ZNF330: variants seen among roughly 807,000 people sequenced by gnomAD.
ZNF330 encodes zinc finger protein 330.
ZNF330 carries 31 observed loss-of-function variants against 45.5 expected under a neutral mutation model. The observed-to-expected ratio is 0.68, with a 90% confidence interval of 0.51 to 0.92. The LOEUF is 0.92. Ranked by LOEUF, ZNF330 falls within the 40% of genes least tolerant of loss-of-function variation. ZNF330 has a pLI of 0.00. For missense variants in ZNF330, 356 were observed against 387.4 expected (o/e 0.92, Z 0.68); for synonymous variants, 138 against 123.2 (o/e 1.12, Z -0.79).
In ZNF330 at chr4:141,233,946, C is replaced by T. The variant is rs540088950; in HGVS notation, c.920C>T (p.Thr307Ile). Residue 307 changes from threonine to isoleucine, a missense_variant, in exon 10 of 10, where the codon ACC (threonine) becomes ATC (isoleucine). Transcript: ENST00000262990. The stretch of plus-strand genomic sequence containing the variant: ...TTTACTAATTTGAATTTAGGAAGGA[C>T]CTATGCTAGTGGCTATGCTCACTAT... The part of the protein sequence containing the change: ...DLFTNLNLGR[T>I]YASGYAHYEE... 27 of 1,613,630 alleles carry T rather than the reference C, an allele frequency of 1.7e-5. No individual in the cohort carries two copies. The highest frequency in any genetic ancestry group is 2.1e-5 in the Non-Finnish European group (25 of 1,179,694).
chr4:141,224,432 A>C, intron 2 of ZNF330, 55 bp from the exon 3 acceptor site: 3 of 1,535,836 alleles, frequency 2.0e-6, no homozygotes, highest in South Asian at 2.3e-5. Flanking sequence ...AATACAAGTA[A>C]ATTTGCAGTT....
chr4:141,221,385 G>A (rs1728673499), intron 1 of ZNF330, among the ~76,000 whole-genome samples: 1 of 151,890 alleles, frequency 6.6e-6, no homozygotes, highest in South Asian at 2.1e-4. Context: ...ACAAACTGGA[G>A]GGAAAAAAAA....
chr4:141,228,043 A>T (rs1002330902), intron 5 of ZNF330, among the ~76,000 whole-genome samples: 6 of 152,122 alleles, frequency 3.9e-5, no homozygotes, highest in Admixed American at 2.6e-4. Context: ...TACTATATTT[A>T]TGTCAAATGG....
At position 141,234,119 on chromosome 4, in the gene ZNF330, C is replaced by G; in HGVS notation, c.*130C>G. On this transcript the variant is annotated 3_prime_UTR_variant, in exon 10 of 10. Transcript: ENST00000262990. Reference sequence around the variant, plus strand: ...CAGAAGACTAGTTACACTTAATGGGCCAAGCAATAGGGTGTAGCGTTTTTA... The same window carrying G: ...CAGAAGACTAGTTACACTTAATGGGGCAAGCAATAGGGTGTAGCGTTTTTA... 5 of 1,441,318 alleles carry G rather than the reference C, an allele frequency of 3.5e-6. No individual in the cohort carries two copies. Among genetic ancestry groups the G allele is most frequent in the Non-Finnish European group, 4.5e-6 (5 of 1,100,740 alleles). The allele number at this position is 1,441,318 out of a possible 1,614,324, so 89.3% of individuals were successfully genotyped here. A position where few individuals can be genotyped will look rare whatever the true frequency, so the allele number is the denominator to read the frequency against.
At chr4:141,231,930 A>T (rs187561247) in intron 8 of ZNF330, among the ~76,000 whole-genome samples, 6 of 152,050 alleles carry the variant, frequency 3.9e-5, no homozygotes, top group Non-Finnish European at 7.4e-5. Flanking sequence ...TCTAGTTCTT[A>T]TATTCCTAAC....
chr4:141,222,512 C>A, intron 2 of ZNF330, 21 bp downstream of exon 2: 3 of 1,602,338 alleles, frequency 1.9e-6, no homozygotes, highest in Non-Finnish European at 2.6e-6. Context: ...TTTTTGATAT[C>A]AGTTGGTAGT....
chr4:141,226,775 A>C lies in ZNF330; in HGVS notation c.220A>C (p.Lys74Gln). The change falls in exon 5 of 10, where the codon AAG (lysine) becomes CAG (glutamine). Residue 74 changes from lysine to glutamine, a missense_variant. Transcript: ENST00000262990. ...ATGTTTTTCTTCATTAGGGAAAACA[A>C]AGTGCATGATGAAGTCTTCAGACTG... is the stretch of plus-strand genomic sequence containing the variant. Reference protein sequence around the residue: ...LPICAQCGKTKCMMKSSDCVI... With the variant: ...LPICAQCGKTQCMMKSSDCVI... 1 of 1,612,848 alleles carries C rather than the reference A, an allele frequency of 6.2e-7. No homozygotes were observed. Among genetic ancestry groups the C allele is most frequent in the Non-Finnish European group, 8.5e-7 (1 of 1,179,238 alleles).
chr4:141,225,213 G>C (rs1329862101), intron 4 of ZNF330, among the ~76,000 whole-genome samples: 1 of 151,986 alleles, frequency 6.6e-6, no homozygotes, highest in Non-Finnish European at 1.5e-5. Context: ...CATGTGCCCG[G>C]TTCTTAAGTA....
At chr4:141,228,405 C>T (rs1231941139) in intron 5 of ZNF330, among the ~76,000 whole-genome samples, 1 of 151,954 alleles carries the variant, frequency 6.6e-6, no homozygotes. Context: ...CCCAGATTCC[C>T]CCTGAGAATA....
chr4:141,226,925 C>T, intron 5 of ZNF330, 79 bp downstream of exon 5: 1 of 1,147,578 alleles, frequency 8.7e-7, no homozygotes, highest in Non-Finnish European at 1.3e-6. Context: ...TTATTTTTTT[C>T]TAAATATCAT....
Position 141,233,708 on chromosome 4 carries a change from T to C in ZNF330, c.689-7T>C, listed in dbSNP as rs746571201. ...CAAAATGCCTTGTACTTGTCTGTCT[T>C]CTATAGCACGCTCCCTGAAATTTGG... On this transcript the variant is annotated splice_region_variant and splice_polypyrimidine_tract_variant and intron_variant, in intron 9 of 9. Transcript: ENST00000262990. 2.5e-6 allele frequency: 4 copies of C among 1,611,430 alleles called. No individual in the cohort carries two copies. In the African/African-American group the frequency reaches 5.3e-5, roughly 22 times the overall value.
chr4:141,229,803 A>T, intron 6 of ZNF330, 106 bp downstream of exon 6: 1 of 1,368,602 alleles, frequency 7.3e-7, no homozygotes. Flanking sequence ...GTCAATCCTA[A>T]CTACTGGTAC....
rs558842712 is a variant in ZNF330, at chr4:141,224,088, G to C, written c.121-399G>C. ...GTATTCTCTTTGGAACGGTGCCTTA[G>C]ATAAATGCATTATTTTAAGGGTCAC... On this transcript the variant is annotated intron_variant, in intron 2 of 9. Coordinates refer to ENST00000262990, the MANE Select transcript of ZNF330 (RefSeq NM_014487.6). The C allele has an allele frequency of 6.1e-4, 173 of 285,882 alleles. 1 individual carries two copies. The highest frequency in any genetic ancestry group is 3.6e-3 in the African/African-American group (163 of 45,504). The allele number at this position is 285,882 out of a possible 1,614,324, so 17.7% of individuals were successfully genotyped here. A position where few individuals can be genotyped will look rare whatever the true frequency, so the allele number is the denominator to read the frequency against.
At position 141,226,865 on chromosome 4, in the gene ZNF330, C is replaced by T. The variant is rs372670045; in HGVS notation, c.291+19C>T. 30 of 1,581,218 alleles carry T rather than the reference C, an allele frequency of 1.9e-5. No homozygotes were observed. The highest frequency in any genetic ancestry group is 2.4e-5 in the Non-Finnish European group (28 of 1,156,896). ...AATGGTGGTAAGCTTCTTATTATCT[C>T]TTAGACTAGTACGTTTTCAAGGATA... On this transcript the variant is annotated intron_variant, in intron 5 of 9. Coordinates refer to ENST00000262990, the MANE Select transcript of ZNF330 (RefSeq NM_014487.6).
At chr4:141,226,654 A>G in intron 4 of ZNF330, 113 bp from the exon 5 acceptor site, 1 of 722,990 alleles carries the variant, frequency 1.4e-6, no homozygotes, top group Non-Finnish European at 2.4e-6. Context: ...ATTCAATTTC[A>G]TTAGTTTTTA....
At chr4:141,227,015 C>T (rs1239047080) in intron 5 of ZNF330, among the ~76,000 whole-genome samples, 169 bp downstream of exon 5, 1 of 151,710 alleles carries the variant, frequency 6.6e-6, no homozygotes, top group Non-Finnish European at 1.5e-5. Context: ...TCCCTTAGTA[C>T]CCACTTGTTT....
intron 1 of ZNF330, 132 bp from the exon 2 acceptor site, chr4:141,222,234 C>T: frequency 9.3e-7 from 1 of 1,077,468 alleles, no homozygotes; most frequent in Non-Finnish European, 1.3e-6. Flanking sequence ...TTAGAATGTG[C>T]TTAACTATCG....
intron 5 of ZNF330, among the ~76,000 whole-genome samples, chr4:141,227,999 A>G (rs751637322): frequency 6.6e-6 from 1 of 152,084 alleles, no homozygotes; most frequent in Non-Finnish European, 1.5e-5. Context: ...TTCAAATAAA[A>G]TTTTGTTCAA....
chr4:141,231,254 T>C (rs1408197084), intron 7 of ZNF330, among the ~76,000 whole-genome samples, 185 bp from the exon 8 acceptor site: 1 of 152,082 alleles, frequency 6.6e-6, no homozygotes, highest in Non-Finnish European at 1.5e-5. Flanking sequence ...GAATGTATAA[T>C]AATAAATTTA....
Sources: gnomAD v4.1 joint callset for allele counts (sites outside exome capture counted in the v4.1 genomes callset) on GRCh38, gnomAD v4.1.1 for gene constraint, MANE v1.5 for transcripts, NCBI Gene and HGNC (gene_info 2026-07-23, HGNC 2026-07-21) for gene names.